The following ANKRD40 variants were observed in gnomAD, a reference collection of about 807,000 sequenced individuals.
ANKRD40 encodes ankyrin repeat domain-containing protein 40.
Under a neutral mutation model 35.5 loss-of-function variants are expected in ANKRD40, and 24 were observed. The observed-to-expected ratio is 0.68, with a 90% confidence interval of 0.49 to 0.95. The LOEUF (loss-of-function observed/expected upper bound fraction) is 0.95, where lower values mean the gene tolerates loss of function less well. Among genes scored for constraint, ANKRD40 ranks in the 40% least tolerant of loss-of-function variants. The pLI is 0.00. For synonymous variants in ANKRD40, 147 were observed against 173.5 expected (o/e 0.85, Z 1.20); for missense variants, 361 against 436.0 (o/e 0.83, Z 1.53).
Position 50,707,502 on chromosome 17 carries a change from T to C in ANKRD40, c.134+19A>G. 1.2e-6 allele frequency: 2 copies of C among 1,600,730 alleles called. No individual in the cohort carries two copies. The highest frequency in any genetic ancestry group is 8.5e-7 in the Non-Finnish European group (1 of 1,173,542). On this transcript the variant is annotated intron_variant, in intron 1 of 4. Coordinates refer to ENST00000285243, the MANE Select transcript of ANKRD40 (RefSeq NM_052855.4). The surrounding 1 kb of genome is among the most constrained non-coding windows in gnomAD (Gnocchi z 4.8). ...CGACCGGCTGCCCTGACCCTAGGCCTCCCCCGCTCCCCACTTACCAGCCGT... is the reference window on the plus strand; with the variant it reads ...CGACCGGCTGCCCTGACCCTAGGCCCCCCCCGCTCCCCACTTACCAGCCGT...
rs1968179500 is a variant in ANKRD40, at chr17:50,694,952, C to T, written c.*1045G>A. The T allele has an allele frequency of 6.6e-6, 1 of 152,162 alleles. No homozygotes were observed. The highest frequency in any genetic ancestry group is 1.5e-5 in the Non-Finnish European group (1 of 68,030). 9.4% of individuals were successfully genotyped at this position (152,162 alleles called of 1,614,324 possible). On this transcript the variant is annotated 3_prime_UTR_variant, in exon 5 of 5. Transcript: ENST00000285243. The stretch of plus-strand genomic sequence containing the variant: ...ATAACCTTTAAAATAGCAACAGATT[C>T]AGTCTCAAAAATTGCTTTTCATTTG...
chr17:50,701,022 T>G (rs936569371), intron 1 of ANKRD40: 4 of 225,308 alleles, frequency 1.8e-5, no homozygotes, highest in Non-Finnish European at 3.5e-5. Context: ...ATATACTCTA[T>G]CAGTATCGCT....
At position 50,695,720 on chromosome 17, in the gene ANKRD40, A is replaced by C; in HGVS notation, c.*277T>G. On this transcript the variant is annotated 3_prime_UTR_variant, in exon 5 of 5. Transcript: ENST00000285243. ...CTCTTACATTCTGGACATAAAACAC[A>C]CTGGATATAGAACCTTCAGCTTCTG... 3.3e-6 allele frequency: 1 copy of C among 307,104 alleles called. No individual in the cohort carries two copies. Among genetic ancestry groups the C allele is most frequent in the Non-Finnish European group, 6.0e-6 (1 of 167,004 alleles). The allele number at this position is 307,104 out of a possible 1,614,324, so 19.0% of individuals were successfully genotyped here.
intron 1 of ANKRD40, chr17:50,700,920 C>A: frequency 2.1e-6 from 1 of 482,282 alleles, no homozygotes; most frequent in South Asian, 3.4e-5. Context: ...ATTTCTGGCT[C>A]CTGAGAAAAA....
In ANKRD40 at chr17:50,699,834, A is replaced by G. The variant is rs752303583; in HGVS notation, c.343T>C (p.Ser115Pro). 6.5e-7 allele frequency: 1 copy of G among 1,530,914 alleles called. No individual in the cohort carries two copies. The highest frequency in any genetic ancestry group is 8.8e-7 in the Non-Finnish European group (1 of 1,140,484). 94.8% of individuals were successfully genotyped at this position (1,530,914 alleles called of 1,614,324 possible). A position where few individuals can be genotyped will look rare whatever the true frequency, so the allele number is the denominator to read the frequency against. ...TAGTTGGGAACAAAGGGCAGTTCTGACTCCTTCTTCAGCTGGGGGAGGTTG... is the reference window on the plus strand; with the variant it reads ...TAGTTGGGAACAAAGGGCAGTTCTGGCTCCTTCTTCAGCTGGGGGAGGTTG... ...DDNLPQLKKE[S>P]ELPFVPNYLA... is the part of the protein sequence containing the mutation. The change falls in exon 3 of 5, where the codon TCA (serine) becomes CCA (proline). Residue 115 changes from serine to proline, a missense_variant. Physicochemically the swap from Ser to Pro is moderately conservative, Grantham distance 74. Coordinates refer to ENST00000285243, the MANE Select transcript of ANKRD40 (RefSeq NM_052855.4).
Position 50,699,729 on chromosome 17 carries a change from T to G in ANKRD40, c.448A>C (p.Thr150Pro). The G allele has an allele frequency of 1.2e-6, 2 of 1,612,814 alleles. No individual in the cohort carries two copies. The highest frequency in any genetic ancestry group is 1.7e-6 in the Non-Finnish European group (2 of 1,179,162). ...SAQMQNGGPS[T>P]PPASPPADGS... ...TCTGCAGGGGGTGATGCAGGGGGTGTGGAGGGGCCCCCATTCTGCATCTGG... is the reference window on the plus strand; with the variant it reads ...TCTGCAGGGGGTGATGCAGGGGGTGGGGAGGGGCCCCCATTCTGCATCTGG... Residue 150 changes from threonine to proline, a missense_variant, in exon 3 of 5, where the codon ACA becomes CCA. Physicochemically the swap from Thr to Pro is conservative, Grantham distance 38. Transcript: ENST00000285243.
intron 1 of ANKRD40, among the ~76,000 whole-genome samples, chr17:50,706,311 G>C (rs952747030): frequency 1.4e-5 from 2 of 147,020 alleles, no homozygotes; most frequent in Non-Finnish European, 3.0e-5. Flanking sequence ...TAGTAGAGAC[G>C]GGGTTTCATC....
At chr17:50,699,160 A>G (rs1017232162) in intron 3 of ANKRD40, among the ~76,000 whole-genome samples, 5 of 152,148 alleles carry the variant, frequency 3.3e-5, no homozygotes, top group Non-Finnish European at 5.9e-5. Context: ...CTACGTCTCA[A>G]TAAAAAAAAG....
At position 50,707,665 on chromosome 17, in the gene ANKRD40, C is replaced by A; in HGVS notation, c.-11G>T. 6.6e-7 allele frequency: 1 copy of A among 1,516,722 alleles called. No individual in the cohort carries two copies. The highest frequency in any genetic ancestry group is 8.8e-7 in the Non-Finnish European group (1 of 1,134,958). The allele number at this position is 1,516,722 out of a possible 1,614,324, so 94.0% of individuals were successfully genotyped here. On this transcript the variant is annotated 5_prime_UTR_variant, in exon 1 of 5. Coordinates refer to ENST00000285243, the MANE Select transcript of ANKRD40 (RefSeq NM_052855.4). This position sits in a 1 kb window ranked among gnomAD's most constrained non-coding sequence, Gnocchi z 4.8. ...TAGGAGGGCGTTCATCTTCCCACAG[C>A]CCCAGGCCCCCGCCCAGGCCCGCCT...
At position 50,699,814 on chromosome 17, in the gene ANKRD40, G is replaced by C. The variant is rs1467509585; in HGVS notation, c.363C>G (p.Pro121=). Residue 121 remains proline, a synonymous_variant, in exon 3 of 5, where the codon CCC becomes CCG. Coordinates refer to ENST00000285243, the MANE Select transcript of ANKRD40 (RefSeq NM_052855.4). ...LKKESELPFV[P]NYLANPAFPF... ...GGAAGGCTGGGTTGGCCAAATAGTT[G>C]GGAACAAAGGGCAGTTCTGACTCCT... is the stretch of plus-strand genomic sequence containing the variant. 6.4e-7 allele frequency: 1 copy of C among 1,567,086 alleles called. No homozygotes were observed.
rs60782058 is a variant in ANKRD40 at position 50,699,296 on chromosome 17, C to A, written c.778+103G>T. ...GGAGTTCCTTATGTTAGTCATGTAACGTTTCTGTAAGTTTGCAATTATACC... is the reference window on the plus strand; with the variant it reads ...GGAGTTCCTTATGTTAGTCATGTAAAGTTTCTGTAAGTTTGCAATTATACC... On this transcript the variant is annotated intron_variant, in intron 3 of 4. Coordinates refer to ENST00000285243, the MANE Select transcript of ANKRD40 (RefSeq NM_052855.4). The A allele has an allele frequency of 1.0e-4, 150 of 1,444,480 alleles. 1 individual carries two copies. Among genetic ancestry groups the A allele is most frequent in the Non-Finnish European group, 1.4e-4 (150 of 1,067,294 alleles). 89.5% of individuals were successfully genotyped at this position (1,444,480 alleles called of 1,614,324 possible).
At chr17:50,701,539 C>T (rs56159875) in intron 1 of ANKRD40, among the ~76,000 whole-genome samples, 19,739 of 152,108 alleles carry the variant, frequency 0.13, 1,586 homozygotes, top group Non-Finnish European at 0.18. Flanking sequence ...TAATACTGTA[C>T]AGAAACATAA....
At chr17:50,704,737 G>A (rs567785690) in intron 1 of ANKRD40, among the ~76,000 whole-genome samples, 115 of 152,212 alleles carry the variant, frequency 7.6e-4, no homozygotes, top group Non-Finnish European at 1.5e-3. Flanking sequence ...CTGGGCCTCA[G>A]TTTCTTCATC....
At chr17:50,706,696 G>C (rs1166670059) in intron 1 of ANKRD40, among the ~76,000 whole-genome samples, 1 of 144,414 alleles carries the variant, frequency 6.9e-6, no homozygotes, top group Non-Finnish European at 1.5e-5. Context: ...GAGGCCAGGA[G>C]TTTGAGACCA....
intron 1 of ANKRD40, among the ~76,000 whole-genome samples, chr17:50,704,093 C>T (rs1968301187): frequency 6.6e-6 from 1 of 151,684 alleles, no homozygotes; most frequent in Non-Finnish European, 1.5e-5. Context: ...AGGGTTCTGG[C>T]CTGAGCACTC....
At chr17:50,700,445 GAAAAAA>G in intron 2 of ANKRD40, 117 bp downstream of exon 2, 1 of 798,670 alleles carries the variant, frequency 1.3e-6, no homozygotes, top group Non-Finnish European at 1.7e-6. Flanking sequence ...CTCCGTCTCG[GAAAAAA>G]AAAAAAAAAG....
chr17:50,705,120 CAAAAAAAA>C (rs56389674), intron 1 of ANKRD40, among the ~76,000 whole-genome samples: 1 of 108,706 alleles, frequency 9.2e-6, no homozygotes, highest in African/African-American at 3.6e-5. Flanking sequence ...GACTCTGTCT[CAAAAAAAA>C]AAAAAAAAAA....
chr17:50,697,807 T>C (rs952218138), intron 3 of ANKRD40, among the ~76,000 whole-genome samples: 4 of 152,024 alleles, frequency 2.6e-5, no homozygotes, highest in African/African-American at 9.7e-5. Flanking sequence ...TGTATATGAA[T>C]CCCTTGTAGC....
At chr17:50,696,874 A>G in intron 4 of ANKRD40, 66 bp downstream of exon 4, 2 of 1,437,376 alleles carry the variant, frequency 1.4e-6, no homozygotes, top group South Asian at 2.8e-5. Context: ...ACCTCATATA[A>G]CCAAGGAGGG....
Sources: gnomAD v4.1 joint callset for allele counts (sites outside exome capture counted in the v4.1 genomes callset) on GRCh38, gnomAD v4.1.1 for gene constraint, Gnocchi (gnomAD v3.1) non-coding constraint, MANE v1.5 for transcripts, NCBI Gene and HGNC (gene_info 2026-07-23, HGNC 2026-07-21) for gene names.